The following AUTS2 variants were observed in gnomAD, a reference collection of about 807,000 sequenced individuals.
AUTS2 encodes the protein autism susceptibility gene 2 protein.
AUTS2 carries 17 observed loss-of-function variants against 112.4 expected under a neutral mutation model. The ratio of observed to expected loss-of-function variants is 0.15; its 90% confidence interval spans 0.10 to 0.23. AUTS2 has a LOEUF of 0.23. Among genes scored for constraint, AUTS2 ranks in the 10% least tolerant of loss-of-function variants. The pLI is 1.00. For missense variants in AUTS2, 1,510 were observed against 1,701.6 expected (o/e 0.89, Z 1.98); for synonymous variants, 751 against 702.7 (o/e 1.07, Z -1.09).
At chr7:69,699,962 T>C (rs902383158) in intron 1 of AUTS2, among the ~76,000 whole-genome samples, 31 of 152,198 alleles carry the variant, frequency 2.0e-4, no homozygotes, top group Admixed American at 1.6e-3. Context: ...CATTTCATCC[T>C]GGGTGTGTGT....
chr7:69,877,794 G>A (rs760131261), intron 1 of AUTS2, among the ~76,000 whole-genome samples: 2 of 152,184 alleles, frequency 1.3e-5, no homozygotes, highest in African/African-American at 2.4e-5. Flanking sequence ...CCCCTCAGTG[G>A]AACATCCTAC....
intron 5 of AUTS2, among the ~76,000 whole-genome samples, chr7:70,666,891 A>G (rs2107941): frequency 0.24 from 36,728 of 151,146 alleles, 5,654 homozygotes; most frequent in African/African-American, 0.43. Flanking sequence ...ACAGGAGAGC[A>G]TCACTCCCAG....
At chr7:69,638,007 TC>T (rs1794627767) in intron 1 of AUTS2, among the ~76,000 whole-genome samples, 1 of 152,068 alleles carries the variant, frequency 6.6e-6, no homozygotes, top group Non-Finnish European at 1.5e-5. Flanking sequence ...TCTAAGACCC[TC>T]CCCCTAATTT....
intron 2 of AUTS2, among the ~76,000 whole-genome samples, chr7:69,927,022 TG>T (rs1365870919): frequency 6.8e-6 from 1 of 147,246 alleles, no homozygotes; most frequent in African/African-American, 2.5e-5. Context: ...AATAAAAAAT[TG>T]TAGCTAATAA....
At chr7:69,857,868 A>G (rs1311591345) in intron 1 of AUTS2, among the ~76,000 whole-genome samples, 1 of 152,120 alleles carries the variant, frequency 6.6e-6, no homozygotes, top group Non-Finnish European at 1.5e-5. Context: ...CCTGTGTGCC[A>G]AAAGGATTTT....
chr7:70,749,532 A>G (rs796179771), intron 6 of AUTS2, among the ~76,000 whole-genome samples: 6 of 152,224 alleles, frequency 3.9e-5, no homozygotes, highest in African/African-American at 1.2e-4. Flanking sequence ...AAAAATGTCA[A>G]AGTCCTCTTT....
At chr7:70,382,996 T>C (rs935065516) in intron 4 of AUTS2, among the ~76,000 whole-genome samples, 7 of 152,218 alleles carry the variant, frequency 4.6e-5, no homozygotes, top group African/African-American at 1.7e-4. Flanking sequence ...ATGAAGTCTA[T>C]ATATTTTTCC....
intron 4 of AUTS2, among the ~76,000 whole-genome samples, chr7:70,389,868 G>A (rs532811082): frequency 3.9e-5 from 6 of 152,248 alleles, no homozygotes; most frequent in Non-Finnish European, 5.9e-5. Context: ...AAAATTACGG[G>A]TGCAATGTTG....
At position 70,589,106 on chromosome 7, in the gene AUTS2, G is replaced by A. The variant is rs548297222; in HGVS notation, c.691-109463G>A. On this transcript the variant is annotated intron_variant, in intron 5 of 18. Transcript: ENST00000342771. ...TACAGAGGCAGCAACCGTAAAAAGC[G>A]GCCAGTCACACAGTGGGGGCCCTTT... 1.5e-3 allele frequency among the ~76,000 whole-genome samples: 225 copies of A among 152,304 alleles called. 1 individual carries two copies. Among genetic ancestry groups the A allele is most frequent in the Admixed American group, 0.013 (205 of 15,308 alleles).
At chr7:70,749,470 A>T (rs1026817732) in intron 6 of AUTS2, among the ~76,000 whole-genome samples, 1 of 152,188 alleles carries the variant, frequency 6.6e-6, no homozygotes, top group African/African-American at 2.4e-5. Context: ...TCGAAGTCAT[A>T]GTGTGAGCTG....
intron 6 of AUTS2, among the ~76,000 whole-genome samples, chr7:70,711,453 G>A (rs866831345): frequency 6.6e-5 from 10 of 152,084 alleles, no homozygotes; most frequent in Non-Finnish European, 1.3e-4. Context: ...TGTGCATCAG[G>A]CCAAAAATAC....
At chr7:69,661,736 A>G (rs1319751469) in intron 1 of AUTS2, among the ~76,000 whole-genome samples, 6 of 152,238 alleles carry the variant, frequency 3.9e-5, no homozygotes, top group Non-Finnish European at 7.3e-5. Context: ...ATGTTCCAGA[A>G]TTATGAACAA....
intron 1 of AUTS2, among the ~76,000 whole-genome samples, chr7:69,755,158 C>T (rs985716518): frequency 2.0e-5 from 3 of 152,136 alleles, no homozygotes; most frequent in Non-Finnish European, 2.9e-5. Context: ...TGGAGCTGGC[C>T]ATTTTGAGAC....
intron 1 of AUTS2, among the ~76,000 whole-genome samples, chr7:69,865,068 T>A (rs183407069): frequency 2.4e-4 from 36 of 152,226 alleles, no homozygotes; most frequent in Admixed American, 2.2e-3. Context: ...ACAGAAAGAT[T>A]TATGTCTTGT....
At chr7:70,274,319 G>T (rs1336521835) in intron 4 of AUTS2, among the ~76,000 whole-genome samples, 2 of 151,578 alleles carry the variant, frequency 1.3e-5, no homozygotes, top group Non-Finnish European at 2.9e-5. Context: ...TTGAGACAGG[G>T]TCTTGCTTTG....
At chr7:70,562,612 C>G (rs1801537233) in intron 5 of AUTS2, among the ~76,000 whole-genome samples, 1 of 152,216 alleles carries the variant, frequency 6.6e-6, no homozygotes, top group Admixed American at 6.5e-5. Context: ...ACAGGTCTGA[C>G]TGTTCCTACC....
At chr7:69,732,796 A>G (rs1326761913) in intron 1 of AUTS2, among the ~76,000 whole-genome samples, 1 of 152,224 alleles carries the variant, frequency 6.6e-6, no homozygotes, top group African/African-American at 2.4e-5. Flanking sequence ...TTCTGACACT[A>G]TCTTTGAATA....
intron 1 of AUTS2, among the ~76,000 whole-genome samples, chr7:69,896,033 A>G (rs543792815): frequency 1.3e-5 from 2 of 152,360 alleles, no homozygotes; most frequent in African/African-American, 4.8e-5. Context: ...ATTATATAGA[A>G]GCAGCCCATG....
intron 5 of AUTS2, among the ~76,000 whole-genome samples, chr7:70,649,541 T>TTTA (rs1357058571): frequency 1.3e-5 from 2 of 151,002 alleles, no homozygotes; most frequent in Non-Finnish European, 2.9e-5. Context: ...TATTTATTTA[T>TTTA]TTTTTGAGAC....
Sources: allele counts gnomAD v4.1 joint callset (sites outside exome capture counted in the v4.1 genomes callset), GRCh38; gene constraint gnomAD v4.1.1; transcripts MANE v1.5; gene names NCBI Gene and HGNC (gene_info 2026-07-23, HGNC 2026-07-21).